LRRC4C: variants seen among roughly 807,000 people sequenced by gnomAD.
The protein encoded by LRRC4C is leucine rich repeat containing 4C.
LRRC4C carries 5 observed loss-of-function variants against 33.6 expected under a neutral mutation model. The ratio of observed to expected loss-of-function variants is 0.15; its 90% CI spans 0.08 to 0.31. The LOEUF is 0.31. LRRC4C is among the 10% of genes least tolerant of loss of function. LRRC4C has a pLI of 1.00. For missense variants in LRRC4C, 560 were observed against 796.7 expected (o/e 0.70, Z 3.58); for synonymous variants, 329 against 302.0 (o/e 1.09, Z -0.93).
At chr11:40,531,398 C>A (rs2135312591) in intron 3 of LRRC4C, among the ~76,000 whole-genome samples, 2 of 152,014 alleles carry the variant, frequency 1.3e-5, no homozygotes, top group African/African-American at 4.8e-5. Context: ...CCTCTAAGTA[C>A]AAAGGGACTG....
chr11:41,060,592 T>A (rs1310714029), intron 1 of LRRC4C, among the ~76,000 whole-genome samples: 1 of 152,172 alleles, frequency 6.6e-6, no homozygotes, highest in Non-Finnish European at 1.5e-5. Flanking sequence ...GTTGGATGAA[T>A]TGTATCATAA....
rs1328384428 is a variant in LRRC4C, at chr11:40,115,900, G to C, written c.393C>G (p.Leu131=). The C allele has an allele frequency of 1.2e-6, 2 of 1,614,046 alleles. No individual in the cohort carries two copies. Among genetic ancestry groups the C allele is most frequent in the Admixed American group, 1.7e-5 (1 of 60,006 alleles). Residue 131 remains leucine, a synonymous_variant, in exon 7 of 7, where the codon CTC becomes CTG. Transcript: ENST00000528697. This position sits in a 1 kb window ranked among gnomAD's most constrained non-coding sequence, Gnocchi z 6.7. ...NGLANLNTLE[L]FDNRLTTIPN... ...GGATGGTAGTAAGACGATTGTCAAA[G>C]AGTTCCAGAGTGTTGAGGTTCGCCA...
chr11:40,694,780 T>A (rs978799887), intron 2 of LRRC4C, among the ~76,000 whole-genome samples: 2 of 152,126 alleles, frequency 1.3e-5, no homozygotes, highest in African/African-American at 2.4e-5. Flanking sequence ...CTCATAAGCA[T>A]CACACTGCAC....
At chr11:40,364,451 A>G (rs1027589474) in intron 3 of LRRC4C, among the ~76,000 whole-genome samples, 16 of 152,122 alleles carry the variant, frequency 1.1e-4, no homozygotes, top group African/African-American at 3.1e-4. Flanking sequence ...GAAAGATATA[A>G]TGGATAGAAT....
chr11:41,296,995 T>C (rs1362739018), intron 1 of LRRC4C, among the ~76,000 whole-genome samples: 1 of 152,234 alleles, frequency 6.6e-6, no homozygotes, highest in Non-Finnish European at 1.5e-5. Context: ...TTTATTCCAT[T>C]GATTATAATG....
chr11:40,696,020 G>GGT (rs375626279), intron 2 of LRRC4C, among the ~76,000 whole-genome samples: 44 of 143,986 alleles, frequency 3.1e-4, no homozygotes, highest in Non-Finnish European at 1.4e-4. Flanking sequence ...ATATATATGT[G>GGT]GTGTGTGTGT....
At chr11:40,789,977 G>A (rs534322000) in intron 2 of LRRC4C, among the ~76,000 whole-genome samples, 3 of 152,150 alleles carry the variant, frequency 2.0e-5, no homozygotes, top group Non-Finnish European at 4.4e-5. Flanking sequence ...AGGCCTTAAA[G>A]GTTGAACTGA....
chr11:40,169,135 A>G (rs576398845), intron 5 of LRRC4C, among the ~76,000 whole-genome samples: 4 of 152,350 alleles, frequency 2.6e-5, no homozygotes, highest in East Asian at 1.9e-4. Flanking sequence ...ACATGCATGT[A>G]TATGAGGTTC....
At chr11:40,873,827 G>A (rs1449251943) in intron 2 of LRRC4C, among the ~76,000 whole-genome samples, 1 of 151,996 alleles carries the variant, frequency 6.6e-6, no homozygotes, top group African/African-American at 2.4e-5. Context: ...ATCGCATTTC[G>A]AATTACAGAC....
rs1023077741 is a variant in LRRC4C at position 41,081,537 on chromosome 11, G to A, written c.-495-147814C>T. ...AACTTCTCTCCTTCTCTTTCAGCAG[G>A]TCCCATATGTTAAGAACAACCTTGG... On this transcript the variant is annotated intron_variant, in intron 1 of 6. Transcript: ENST00000528697. Among the ~76,000 whole-genome samples the A allele has an allele frequency of 3.3e-5, 5 of 151,964 alleles. No homozygotes were observed. The East Asian group carries it at 9.7e-4, about 29-fold the overall frequency.
chr11:40,643,917 A>G (rs1169570400), intron 3 of LRRC4C, among the ~76,000 whole-genome samples: 2 of 152,320 alleles, frequency 1.3e-5, no homozygotes, highest in Non-Finnish European at 2.9e-5. Flanking sequence ...GAATCTCATA[A>G]TATCATACTC....
chr11:40,429,547 T>C (rs977245552), intron 3 of LRRC4C, among the ~76,000 whole-genome samples: 14 of 149,740 alleles, frequency 9.3e-5, no homozygotes, highest in African/African-American at 3.2e-4. Context: ...CCAAAATCTT[T>C]TGAATCAGGT....
At chr11:41,350,904 G>A (rs1190078788) in intron 1 of LRRC4C, among the ~76,000 whole-genome samples, 3 of 152,126 alleles carry the variant, frequency 2.0e-5, no homozygotes, top group African/African-American at 4.8e-5. Context: ...TGGAAGACTG[G>A]TTCTTTGAAT....
At chr11:40,238,410 C>A (rs532858139) in intron 5 of LRRC4C, among the ~76,000 whole-genome samples, 216 of 152,278 alleles carry the variant, frequency 1.4e-3, no homozygotes, top group Non-Finnish European at 1.8e-3. Context: ...TACATTTGAT[C>A]CTCAGGTTGC....
intron 5 of LRRC4C, among the ~76,000 whole-genome samples, chr11:40,218,598 G>C (rs147801741): frequency 0.018 from 1,125 of 61,658 alleles, 9 homozygotes; most frequent in Non-Finnish European, 0.028. Context: ...ATGTATGTAT[G>C]TATGTATGTA....
intron 1 of LRRC4C, among the ~76,000 whole-genome samples, chr11:41,321,343 A>T (rs1478440061): frequency 6.6e-6 from 1 of 152,192 alleles, no homozygotes; most frequent in Non-Finnish European, 1.5e-5. Context: ...ACCTAAAAAA[A>T]AAATCTTCAC....
chr11:40,917,624 C>G (rs1246338747), intron 2 of LRRC4C, among the ~76,000 whole-genome samples: 1 of 152,104 alleles, frequency 6.6e-6, no homozygotes, highest in Non-Finnish European at 1.5e-5. Context: ...CAACCCAGCT[C>G]TGCCATTTAG....
chr11:41,351,233 A>G (rs1475064748), intron 1 of LRRC4C, among the ~76,000 whole-genome samples: 2 of 114,424 alleles, frequency 1.7e-5, no homozygotes. Context: ...ACACACACAC[A>G]CATACACACA....
chr11:40,418,242 C>A (rs1950398193), intron 3 of LRRC4C, among the ~76,000 whole-genome samples: 1 of 152,076 alleles, frequency 6.6e-6, no homozygotes. Context: ...CCAGAATCTA[C>A]ATGGAACTTA....
Sources: allele counts gnomAD v4.1 joint callset (sites outside exome capture counted in the v4.1 genomes callset), GRCh38; gene constraint gnomAD v4.1.1; non-coding constraint Gnocchi (gnomAD v3.1); transcripts MANE v1.5; gene names NCBI Gene and HGNC (gene_info 2026-07-23, HGNC 2026-07-21).